The following MAP2 variants were observed in gnomAD, a reference collection of about 807,000 sequenced individuals.
The protein encoded by MAP2 is microtubule-associated protein 2.
A neutral mutation model predicts 137.6 loss-of-function variants in MAP2; 14 were observed. The ratio of observed to expected loss-of-function variants is 0.10; its 90% confidence interval spans 0.07 to 0.16. The LOEUF (loss-of-function observed/expected upper bound fraction) is 0.16. MAP2 is among the 10% of genes least tolerant of loss of function. The pLI is 1.00. For missense variants in MAP2, 2,088 were observed against 2,191.5 expected (o/e 0.95, Z 0.94); for synonymous variants, 786 against 782.3 (o/e 1.00, Z -0.08).
intron 1 of MAP2, among the ~76,000 whole-genome samples, chr2:209,455,820 G>A (rs145306886): frequency 3.3e-5 from 5 of 152,170 alleles, no homozygotes; most frequent in African/African-American, 1.2e-4. Flanking sequence ...TATTCACTTG[G>A]CTCTACACCT....
chr2:209,649,971 G>T (rs1179641938), intron 4 of MAP2, among the ~76,000 whole-genome samples: 1 of 152,112 alleles, frequency 6.6e-6, no homozygotes, highest in Admixed American at 6.5e-5. Flanking sequence ...TTAAATGTCT[G>T]TCCTCTTGAA....
intron 2 of MAP2, among the ~76,000 whole-genome samples, chr2:209,528,812 GTATA>G (rs1200145661): frequency 6.7e-6 from 1 of 150,246 alleles, no homozygotes; most frequent in Admixed American, 6.7e-5. Context: ...ACATATGTAT[GTATA>G]TATGTATATG....
intron 1 of MAP2, among the ~76,000 whole-genome samples, chr2:209,496,162 T>G (rs1023198327): frequency 2.0e-5 from 3 of 152,178 alleles, no homozygotes; most frequent in African/African-American, 7.2e-5. Flanking sequence ...TGACTCAGCC[T>G]CTTTTTCTGG....
intron 2 of MAP2, among the ~76,000 whole-genome samples, chr2:209,531,664 T>C (rs1489074222): frequency 6.6e-6 from 1 of 152,206 alleles, no homozygotes; most frequent in Non-Finnish European, 1.5e-5. Flanking sequence ...GTTATGTTAA[T>C]TGAATTTTGA....
intron 2 of MAP2, among the ~76,000 whole-genome samples, chr2:209,558,543 C>A (rs569318679): frequency 1.3e-5 from 2 of 151,798 alleles, no homozygotes; most frequent in East Asian, 3.9e-4. Context: ...CTAAACACTT[C>A]GTCTTGTATC....
At chr2:209,549,255 G>A (rs2068683845) in intron 2 of MAP2, among the ~76,000 whole-genome samples, 1 of 152,172 alleles carries the variant, frequency 6.6e-6, no homozygotes, top group South Asian at 2.1e-4. Context: ...GGAAATGGCT[G>A]TGAAGTAGAC....
In MAP2 at chr2:209,522,691, T is replaced by G. The variant is rs1397262115; in HGVS notation, c.-172+15050T>G. ...TCAATCCAGGAAATTTATTTAAAGC[T>G]CCATATGGAAGTTTTTGTTTTTGTT... On this transcript the variant is annotated intron_variant, in intron 2 of 15. Coordinates refer to ENST00000682079, the MANE Select transcript of MAP2 (RefSeq NM_001375505.1). 2.0e-5 allele frequency among the ~76,000 whole-genome samples: 3 copies of G among 152,130 alleles called. No individual in the cohort carries two copies. The South Asian group carries it at 6.2e-4, about 32-fold the overall frequency.
chr2:209,598,408 AATTTATTTATTTT>A (rs1393753653), intron 3 of MAP2, among the ~76,000 whole-genome samples: 8 of 151,480 alleles, frequency 5.3e-5, no homozygotes, highest in Admixed American at 2.6e-4. Context: ...CTTTTTTTAA[AATTTATTTATTTT>A]ATTTATTTAT....
At chr2:209,501,522 T>G (rs974116367) in intron 1 of MAP2, among the ~76,000 whole-genome samples, 6 of 152,214 alleles carry the variant, frequency 3.9e-5, no homozygotes, top group African/African-American at 1.4e-4. Flanking sequence ...TTCTCTTACC[T>G]TTTAGGTGAG....
intron 1 of MAP2, among the ~76,000 whole-genome samples, chr2:209,434,073 C>T (rs1695054129): frequency 6.6e-6 from 1 of 151,976 alleles, no homozygotes; most frequent in Non-Finnish European, 1.5e-5. Context: ...GGTAAATGAG[C>T]GGATCCAGTT....
chr2:209,545,910 G>A (rs1397419598), intron 2 of MAP2, among the ~76,000 whole-genome samples: 2 of 152,190 alleles, frequency 1.3e-5, no homozygotes, highest in Non-Finnish European at 2.9e-5. Context: ...GGAGGCCGAG[G>A]CGGGCGGATC....
At chr2:209,498,769 T>C (rs2060045464) in intron 1 of MAP2, among the ~76,000 whole-genome samples, 1 of 152,178 alleles carries the variant, frequency 6.6e-6, no homozygotes, top group Non-Finnish European at 1.5e-5. Context: ...CAGCCAGAGC[T>C]TCCAGTGCAG....
chr2:209,691,870 T>C (rs16843456), intron 7 of MAP2, among the ~76,000 whole-genome samples: 1,929 of 152,352 alleles, frequency 0.013, 41 homozygotes, highest in African/African-American at 0.045. Flanking sequence ...TTCTTATATC[T>C]ACCGTACAGA....
intron 2 of MAP2, among the ~76,000 whole-genome samples, chr2:209,572,507 A>G (rs2074564581): frequency 6.6e-6 from 1 of 152,150 alleles, no homozygotes; most frequent in Non-Finnish European, 1.5e-5. Flanking sequence ...TAATATCAAT[A>G]TTATTTTCAA....
intron 4 of MAP2, among the ~76,000 whole-genome samples, chr2:209,630,613 C>T (rs557065562): frequency 5.9e-5 from 9 of 151,852 alleles, no homozygotes; most frequent in Admixed American, 5.9e-4. Context: ...TTATTTATAC[C>T]CTAAGTCTTC....
At chr2:209,700,220 G>T (rs2061417620) in intron 10 of MAP2, 57 bp from the exon 11 acceptor site, 18 of 1,416,834 alleles carry the variant, frequency 1.3e-5, no homozygotes, top group Non-Finnish European at 1.5e-5. Flanking sequence ...ATTTAAAACT[G>T]CATTTATGAC....
intron 1 of MAP2, among the ~76,000 whole-genome samples, chr2:209,483,725 T>G (rs190761885): frequency 6.6e-6 from 1 of 152,344 alleles, no homozygotes; most frequent in African/African-American, 2.4e-5. Context: ...TACTGTTCAG[T>G]TTTGCTTGTG....
intron 1 of MAP2, among the ~76,000 whole-genome samples, chr2:209,465,422 A>G (rs566634943): frequency 8.4e-6 from 1 of 119,248 alleles, no homozygotes; most frequent in East Asian, 2.7e-4. Flanking sequence ...TGCATATAAC[A>G]TAACTTTTCT....
At chr2:209,597,561 G>T (rs2153451308) in intron 3 of MAP2, among the ~76,000 whole-genome samples, 1 of 152,202 alleles carries the variant, frequency 6.6e-6, no homozygotes, top group South Asian at 2.1e-4. Flanking sequence ...GCTGGACTTA[G>T]TTTCTCAGAA....
Sources: allele counts gnomAD v4.1 joint callset (sites outside exome capture counted in the v4.1 genomes callset), GRCh38; gene constraint gnomAD v4.1.1; transcripts MANE v1.5; gene names NCBI Gene and HGNC (gene_info 2026-07-23, HGNC 2026-07-21).